FUT8: variants seen among roughly 807,000 people sequenced by gnomAD.
FUT8 encodes the protein fucosyltransferase 8, also known as alpha-(1,6)-fucosyltransferase.
In FUT8, 29 loss-of-function variants were observed where a neutral mutation model predicts 71.3. The observed-to-expected ratio is 0.41, with a 90% CI of 0.30 to 0.55. The LOEUF is 0.55. FUT8 is among the 20% of genes least tolerant of loss of function. FUT8 has a pLI of 0.34. For synonymous variants in FUT8, 254 were observed against 239.3 expected (o/e 1.06, Z -0.57); for missense variants, 544 against 702.1 (o/e 0.77, Z 2.55).
the FUT8 span, among the ~76,000 whole-genome samples, chr14:65,361,215 G>A: frequency 2.0e-5 from 3 of 151,842 alleles, no homozygotes; most frequent in African/African-American, 7.3e-5. Flanking sequence ...AATTAGCCGG[G>A]CGTGGTGGTG....
At chr14:65,523,139 G>T (rs1359499884) in intron 2 of FUT8, among the ~76,000 whole-genome samples, 1 of 152,192 alleles carries the variant, frequency 6.6e-6, no homozygotes, top group African/African-American at 2.4e-5. Context: ...GATCCTTGAG[G>T]AATCACCACG....
intron 1 of FUT8, among the ~76,000 whole-genome samples, chr14:65,423,678 C>CA (rs1448058151): frequency 6.6e-6 from 1 of 152,204 alleles, no homozygotes; most frequent in Non-Finnish European, 1.5e-5. Flanking sequence ...CTAAAATTAT[C>CA]AAGCCATCCG....
At chr14:65,433,398 G>C (rs2065505841) in intron 1 of FUT8, among the ~76,000 whole-genome samples, 1 of 152,204 alleles carries the variant, frequency 6.6e-6, no homozygotes, top group Non-Finnish European at 1.5e-5. Context: ...CTGAAGAAAG[G>C]CTTATTAGGA....
intron 2 of FUT8, among the ~76,000 whole-genome samples, chr14:65,509,311 T>C (rs1470819868): frequency 6.6e-6 from 1 of 152,202 alleles, no homozygotes; most frequent in Non-Finnish European, 1.5e-5. Flanking sequence ...CATGTTGTTT[T>C]GTTTATTATA....
intron 3 of FUT8, among the ~76,000 whole-genome samples, chr14:65,583,930 A>G (rs1437290653): frequency 1.3e-5 from 2 of 152,182 alleles, no homozygotes; most frequent in Non-Finnish European, 2.9e-5. Flanking sequence ...CCCAGGCTGA[A>G]GTGCATGGGT....
chr14:65,394,164 G>T, the FUT8 span, among the ~76,000 whole-genome samples: 1 of 152,250 alleles, frequency 6.6e-6, no homozygotes, highest in East Asian at 1.9e-4. Context: ...TCTCTATGTT[G>T]GTCAGGCTAG....
intron 1 of FUT8, among the ~76,000 whole-genome samples, chr14:65,443,409 C>CAAA (rs71126747): frequency 2.2e-5 from 3 of 136,108 alleles, no homozygotes; most frequent in African/African-American, 5.5e-5. Context: ...GACTCCATCT[C>CAAA]AAAAAAAAAA....
At chr14:65,592,219 G>C (rs1054750387) in intron 3 of FUT8, among the ~76,000 whole-genome samples, 1 of 152,010 alleles carries the variant, frequency 6.6e-6, no homozygotes, top group African/African-American at 2.4e-5. Flanking sequence ...TGTTCCTCTG[G>C]TGTAAAGTAG....
intron 6 of FUT8, among the ~76,000 whole-genome samples, chr14:65,664,219 A>G (rs1214318658): frequency 6.6e-6 from 1 of 152,128 alleles, no homozygotes; most frequent in Non-Finnish European, 1.5e-5. Flanking sequence ...CTTTTGATCA[A>G]CTGAGTCAAT....
intron 7 of FUT8, among the ~76,000 whole-genome samples, chr14:65,699,377 G>A (rs1454157970): frequency 2.0e-5 from 3 of 152,138 alleles, no homozygotes; most frequent in African/African-American, 7.2e-5. Flanking sequence ...TCATCTGTAA[G>A]TGTACTTGCC....
chr14:65,670,163 T>C (rs1172625576), intron 7 of FUT8, among the ~76,000 whole-genome samples: 1 of 152,136 alleles, frequency 6.6e-6, no homozygotes, highest in East Asian at 1.9e-4. Context: ...TCCAAGGAAG[T>C]GGTGAAGGAG....
chr14:65,380,910 G>T, the FUT8 span, among the ~76,000 whole-genome samples: 1 of 152,154 alleles, frequency 6.6e-6, no homozygotes, highest in Non-Finnish European at 1.5e-5. Flanking sequence ...TGCTGGTCTG[G>T]TTGCCTGTAC....
At chr14:65,713,301 C>A (rs1894894381) in intron 7 of FUT8, among the ~76,000 whole-genome samples, 1 of 152,128 alleles carries the variant, frequency 6.6e-6, no homozygotes. Flanking sequence ...TTTGTTTATT[C>A]ATCTGGACAC....
the FUT8 span, among the ~76,000 whole-genome samples, chr14:65,391,623 G>A: frequency 0.018 from 2,696 of 152,144 alleles, 77 homozygotes; most frequent in African/African-American, 0.062. Context: ...CAAAGTGCTG[G>A]GATTACAGGC....
chr14:65,372,973 A>C, the FUT8 span, among the ~76,000 whole-genome samples: 12 of 152,186 alleles, frequency 7.9e-5, no homozygotes, highest in African/African-American at 2.9e-4. Context: ...AATTCGGGGT[A>C]GGGAGTAGAG....
rs1211618799 is a variant in FUT8 at position 65,413,372 on chromosome 14, G to A, written c.-326+158G>A. ...AACCAGCGGCTCTCGGAAAAGTGGG[G>A]AGGGAGCCCCCGGGACGCTCTGGCG... is the stretch of plus-strand genomic sequence containing the variant. On this transcript the variant is annotated intron_variant, in intron 1 of 10. Coordinates refer to ENST00000673929, the MANE Select transcript of FUT8 (RefSeq NM_001371533.1). This position sits in a 1 kb window ranked among gnomAD's most constrained non-coding sequence, Gnocchi z 4.1. 6.6e-6 allele frequency among the ~76,000 whole-genome samples: 1 copy of A among 152,218 alleles called. No homozygotes were observed. The highest frequency in any genetic ancestry group is 1.5e-5 in the Non-Finnish European group (1 of 68,028).
At chr14:65,571,094 G>A (rs1886447539) in intron 3 of FUT8, among the ~76,000 whole-genome samples, 1 of 151,982 alleles carries the variant, frequency 6.6e-6, no homozygotes, top group Non-Finnish European at 1.5e-5. Flanking sequence ...TGTGATTCTG[G>A]GTGCTGCTGG....
At chr14:65,411,932 G>A, upstream of FUT8, 2 of 432,486 alleles carry the variant, frequency 4.6e-6, no homozygotes, top group South Asian at 3.3e-5. Flanking sequence ...GGCTGCTCTG[G>A]GGCAGCCCTT....
At chr14:65,537,281 C>T (rs1183046202) in intron 2 of FUT8, among the ~76,000 whole-genome samples, 1 of 151,804 alleles carries the variant, frequency 6.6e-6, no homozygotes, top group African/African-American at 2.4e-5. Flanking sequence ...GTTAAGAACC[C>T]TTGCTGGAGA....
Sources: allele counts gnomAD v4.1 joint callset (sites outside exome capture counted in the v4.1 genomes callset), GRCh38; gene constraint gnomAD v4.1.1; non-coding constraint Gnocchi (gnomAD v3.1); transcripts MANE v1.5; gene names NCBI Gene and HGNC (gene_info 2026-07-23, HGNC 2026-07-21).